LRBA: variants seen among roughly 807,000 people sequenced by gnomAD.
LRBA encodes the protein LPS responsive beige-like anchor protein.
In LRBA, 176 loss-of-function variants were observed where a neutral mutation model predicts 330.0. The ratio of observed to expected loss-of-function variants is 0.53; its 90% CI spans 0.47 to 0.60. LRBA has a LOEUF of 0.60. Ranked by LOEUF, LRBA falls within the 20% of genes least tolerant of loss-of-function variation. The pLI, the probability that LRBA is intolerant of heterozygous loss-of-function variation, is 0.00. For missense variants in LRBA, 3,259 were observed against 3,444.8 expected (o/e 0.95, Z 1.35); for synonymous variants, 1,230 against 1,193.0 (o/e 1.03, Z -0.64).
intron 34 of LRBA, among the ~76,000 whole-genome samples, chr4:150,771,185 G>A (rs1736514153): frequency 6.6e-6 from 1 of 152,072 alleles, no homozygotes; most frequent in Non-Finnish European, 1.5e-5. Context: ...TTTGCTATTG[G>A]GTCACTAGAG....
chr4:150,584,134 GAC>G, intron 40 of LRBA: 2 of 1,504,394 alleles, frequency 1.3e-6, no homozygotes, highest in Non-Finnish European at 1.8e-6. Context: ...CTTGAAAAGC[GAC>G]ACAAACGGGC....
At chr4:150,973,125 T>C (rs894729804) in intron 2 of LRBA, among the ~76,000 whole-genome samples, 1 of 150,312 alleles carries the variant, frequency 6.7e-6, no homozygotes, top group African/African-American at 2.4e-5. Flanking sequence ...GTCTCTATTT[T>C]TAAAATTAAA....
At chr4:150,822,876 C>G (rs151316693) in intron 30 of LRBA, among the ~76,000 whole-genome samples, 1,632 of 152,346 alleles carry the variant, frequency 0.011, 28 homozygotes, top group African/African-American at 0.037. Flanking sequence ...GAAACCTCAT[C>G]TCTACTAAAA....
At chr4:150,994,346 T>C (rs1430167462) in intron 2 of LRBA, among the ~76,000 whole-genome samples, 1 of 152,090 alleles carries the variant, frequency 6.6e-6, no homozygotes, top group Non-Finnish European at 1.5e-5. Flanking sequence ...ACCTTTAAAA[T>C]GGAGATGATA....
intron 38 of LRBA, among the ~76,000 whole-genome samples, chr4:150,591,933 G>A (rs1772889414): frequency 6.6e-6 from 1 of 152,036 alleles, no homozygotes; most frequent in African/African-American, 2.4e-5. Flanking sequence ...TTCTCCTTAC[G>A]ACAAGCAGGA....
At chr4:150,881,856 G>A (rs1173181595) in intron 17 of LRBA, among the ~76,000 whole-genome samples, 1 of 152,192 alleles carries the variant, frequency 6.6e-6, no homozygotes, top group African/African-American at 2.4e-5. Context: ...GGAGGCCGAG[G>A]TGGGCGGATC....
At chr4:150,732,962 T>C (rs1168883275) in intron 36 of LRBA, among the ~76,000 whole-genome samples, 4 of 152,060 alleles carry the variant, frequency 2.6e-5, no homozygotes, top group East Asian at 1.9e-4. Context: ...GTATATCCCA[T>C]TACTTTTTCA....
chr4:150,672,318 A>C (rs1782134773), intron 37 of LRBA, among the ~76,000 whole-genome samples: 1 of 152,138 alleles, frequency 6.6e-6, no homozygotes, highest in African/African-American at 2.4e-5. Context: ...CATTGACAAG[A>C]AGATGCCCAT....
At chr4:150,905,257 C>T (rs78868697) in intron 13 of LRBA, among the ~76,000 whole-genome samples, 9,691 of 151,602 alleles carry the variant, frequency 0.064, 466 homozygotes, top group East Asian at 0.18. Context: ...AAAATGATTA[C>T]GAGACTAGTA....
intron 34 of LRBA, among the ~76,000 whole-genome samples, chr4:150,796,417 A>G (rs112462734): frequency 4.4e-4 from 67 of 152,066 alleles, no homozygotes; most frequent in African/African-American, 1.5e-3. Flanking sequence ...TACATCTTGT[A>G]GAGATGCCAT....
chr4:150,564,215 G>T (rs1014972077), intron 40 of LRBA, among the ~76,000 whole-genome samples: 1 of 151,984 alleles, frequency 6.6e-6, no homozygotes, highest in Non-Finnish European at 1.5e-5. Flanking sequence ...CAGAACAGAG[G>T]CCTCAGAAAT....
At chr4:150,895,428 C>G (rs2127109936) in intron 16 of LRBA, among the ~76,000 whole-genome samples, 2 of 152,126 alleles carry the variant, frequency 1.3e-5, no homozygotes, top group South Asian at 4.2e-4. Context: ...TGCTATCCCT[C>G]CCCGCTACCC....
intron 48 of LRBA, among the ~76,000 whole-genome samples, chr4:150,344,676 C>T (rs1410350556): frequency 6.6e-6 from 1 of 152,208 alleles, no homozygotes; most frequent in Non-Finnish European, 1.5e-5. Flanking sequence ...ATCCTCTCAT[C>T]TCAGCTAGGG....
chr4:150,759,577 C>T (rs570023182), intron 35 of LRBA, among the ~76,000 whole-genome samples: 1 of 152,086 alleles, frequency 6.6e-6, no homozygotes, highest in Non-Finnish European at 1.5e-5. Flanking sequence ...CAAACCATAC[C>T]AACCTTTTTT....
chr4:150,484,450 CATA>C (rs1454480215), intron 42 of LRBA, among the ~76,000 whole-genome samples: 7 of 151,906 alleles, frequency 4.6e-5, no homozygotes, highest in East Asian at 3.9e-4. Context: ...TAAATTTGTT[CATA>C]ATATTTCTTT....
At chr4:150,835,557 T>C (rs867481248) in intron 28 of LRBA, among the ~76,000 whole-genome samples, 3 of 152,142 alleles carry the variant, frequency 2.0e-5, no homozygotes, top group African/African-American at 4.8e-5. Flanking sequence ...ATTTTATTTT[T>C]TTTGAAGCAA....
At chr4:150,998,173 G>T (rs1055256377) in intron 2 of LRBA, among the ~76,000 whole-genome samples, 8 of 151,790 alleles carry the variant, frequency 5.3e-5, no homozygotes, top group African/African-American at 1.9e-4. Flanking sequence ...CCAAGATGGA[G>T]AAACCCCGTC....
chr4:150,802,091 G>A (rs1395159650), intron 33 of LRBA, among the ~76,000 whole-genome samples: 1 of 150,830 alleles, frequency 6.6e-6, no homozygotes, highest in Non-Finnish European at 1.5e-5. Flanking sequence ...ATGGTGACAT[G>A]CGCCTGTAGT....
intron 34 of LRBA, among the ~76,000 whole-genome samples, chr4:150,775,118 G>A (rs1399432472): frequency 1.3e-5 from 2 of 152,086 alleles, no homozygotes; most frequent in African/African-American, 2.4e-5. Context: ...TACTCCCAAT[G>A]CGTTCAGGTT....
Sources: gnomAD v4.1 joint callset for allele counts (sites outside exome capture counted in the v4.1 genomes callset) on GRCh38, gnomAD v4.1.1 for gene constraint, MANE v1.5 for transcripts, NCBI Gene and HGNC (gene_info 2026-07-23, HGNC 2026-07-21) for gene names.